The following ADAMTSL3 variants were observed in gnomAD, a reference collection of about 807,000 sequenced individuals.
ADAMTSL3 encodes ADAMTS-like protein 3.
In ADAMTSL3, 128 loss-of-function variants were observed where a neutral mutation model predicts 201.7. The observed-to-expected ratio is 0.63, with a 90% CI of 0.55 to 0.73. The LOEUF is 0.73. Among genes scored for constraint, ADAMTSL3 ranks in the 30% least tolerant of loss-of-function variants. The pLI is 0.00. For missense variants in ADAMTSL3, 1,990 were observed against 2,119.6 expected (o/e 0.94, Z 1.20); for synonymous variants, 738 against 748.4 (o/e 0.99, Z 0.23).
At chr15:83,659,724 A>G (rs1162518622) in intron 2 of ADAMTSL3, among the ~76,000 whole-genome samples, 4 of 152,198 alleles carry the variant, frequency 2.6e-5, no homozygotes, top group Admixed American at 2.6e-4. Flanking sequence ...TGGGGAGACT[A>G]TCCTGGATTA....
intron 3 of ADAMTSL3, among the ~76,000 whole-genome samples, chr15:83,735,810 A>G (rs1053295603): frequency 6.6e-6 from 1 of 152,138 alleles, no homozygotes; most frequent in Non-Finnish European, 1.5e-5. Context: ...CACGTTTAAC[A>G]CACGTAAAAT....
chr15:83,798,472 A>G (rs1225680306), intron 4 of ADAMTSL3, among the ~76,000 whole-genome samples: 1 of 152,192 alleles, frequency 6.6e-6, no homozygotes, highest in African/African-American at 2.4e-5. Context: ...GGTTCCTGGC[A>G]TGGGGTCAGG....
chr15:84,028,392 G>A (rs897941825), intron 27 of ADAMTSL3, among the ~76,000 whole-genome samples: 13 of 152,120 alleles, frequency 8.5e-5, no homozygotes, highest in African/African-American at 3.1e-4. Context: ...GTATCAGTAA[G>A]TAAATGCAAG....
In ADAMTSL3 at chr15:84,001,060, C is replaced by T. The variant is rs536662681; in HGVS notation, c.3973+9846C>T. ...AAGCTGCAGAAAGCTGTAAATTGAA[C>T]GCAACTAAATTGCATCAATGGTCAT... On this transcript the variant is annotated intron_variant, in intron 23 of 29. Coordinates refer to ENST00000286744, the MANE Select transcript of ADAMTSL3 (RefSeq NM_207517.3). Among the ~76,000 whole-genome samples, 14 of 152,298 alleles carry T rather than the reference C, an allele frequency of 9.2e-5. 1 individual carries two copies. Among genetic ancestry groups the T allele is most frequent in the South Asian group, 4.1e-4 (2 of 4,820 alleles).
chr15:83,711,328 A>G (rs1467842329), intron 3 of ADAMTSL3, among the ~76,000 whole-genome samples: 1 of 152,230 alleles, frequency 6.6e-6, no homozygotes, highest in African/African-American at 2.4e-5. Context: ...TGGAAAGTAT[A>G]TACCAACTTC....
Position 83,982,259 on chromosome 15 carries a change from T to A in ADAMTSL3, c.2645-14T>A. On this transcript the variant is annotated splice_polypyrimidine_tract_variant and intron_variant, in intron 20 of 29. Transcript: ENST00000286744. ...ATTCGTATTTTCTTTTCTTTCTTTT[T>A]TTTTTTCTTGGAGAAATCAAATCAG... 1 of 1,551,708 alleles carries A rather than the reference T, an allele frequency of 6.4e-7. No individual in the cohort carries two copies. The highest frequency in any genetic ancestry group is 8.7e-7 in the Non-Finnish European group (1 of 1,150,154).
intron 19 of ADAMTSL3, among the ~76,000 whole-genome samples, chr15:83,953,032 G>T (rs960412051): frequency 6.6e-6 from 1 of 152,112 alleles, no homozygotes; most frequent in Non-Finnish European, 1.5e-5. Flanking sequence ...GGTGAAATGT[G>T]CTTCTTGTAG....
rs374128413 is a variant in ADAMTSL3, at chr15:84,014,568, T to C, written c.4000T>C (p.Leu1334=). ...KGVPQPNITW[L]KRGGSLSGNV... ...TGTCCCTCAGCCTAATATAACTTGG[T>C]TGAAGAGAGGAGGATCTCTGAGTGG... The change falls in exon 24 of 30, where the codon TTG becomes CTG. Residue 1334 remains leucine, a synonymous_variant. Transcript: ENST00000286744. The C allele has an allele frequency of 1.4e-4, 228 of 1,613,968 alleles. No homozygotes were observed. Among genetic ancestry groups the C allele is most frequent in the Non-Finnish European group, 1.8e-4 (216 of 1,179,984 alleles).
chr15:83,714,781 TTCTTTTTC>T (rs1246095542), intron 3 of ADAMTSL3, among the ~76,000 whole-genome samples: 1 of 116,680 alleles, frequency 8.6e-6, no homozygotes, highest in African/African-American at 2.9e-5. Context: ...CTTTCTTTCT[TTCTTTTTC>T]TTTCTCTCTC....
chr15:84,031,311 C>T (rs747290444), intron 27 of ADAMTSL3, 24 bp from the exon 28 acceptor site: 17 of 1,610,290 alleles, frequency 1.1e-5, no homozygotes, highest in Admixed American at 1.7e-5. Flanking sequence ...AGGATTTACA[C>T]TGCACTGTGC....
intron 19 of ADAMTSL3, among the ~76,000 whole-genome samples, chr15:83,946,296 C>G (rs147561789): frequency 6.6e-6 from 1 of 152,168 alleles, no homozygotes; most frequent in African/African-American, 2.4e-5. Context: ...TTGCCAGTTG[C>G]GTATCACTAA....
chr15:83,993,760 A>G (rs539070610), intron 23 of ADAMTSL3, among the ~76,000 whole-genome samples: 5 of 152,330 alleles, frequency 3.3e-5, no homozygotes, highest in Admixed American at 2.0e-4. Flanking sequence ...CTTTAAAAAA[A>G]AGTTTTTTTC....
chr15:83,738,521 C>T (rs909988114), intron 3 of ADAMTSL3, among the ~76,000 whole-genome samples: 8 of 152,050 alleles, frequency 5.3e-5, no homozygotes, highest in Non-Finnish European at 7.4e-5. Flanking sequence ...ATACTTATTA[C>T]CCTAGACACA....
chr15:83,705,493 G>T (rs559379088), intron 3 of ADAMTSL3, among the ~76,000 whole-genome samples: 86 of 152,314 alleles, frequency 5.6e-4, no homozygotes, highest in African/African-American at 2.0e-3. Flanking sequence ...GAGAAATTCA[G>T]TCTGCCAACA....
intron 20 of ADAMTSL3, among the ~76,000 whole-genome samples, chr15:83,972,675 T>C (rs1333873448): frequency 2.6e-5 from 4 of 152,112 alleles, no homozygotes; most frequent in Non-Finnish European, 1.5e-5. Flanking sequence ...ATATTTTTTC[T>C]TTACTCCACC....
chr15:83,924,888 T>A (rs554850523), intron 17 of ADAMTSL3, among the ~76,000 whole-genome samples: 2 of 152,318 alleles, frequency 1.3e-5, no homozygotes, highest in East Asian at 3.9e-4. Context: ...CTCCTACCTC[T>A]TAGTCGTTTG....
At chr15:83,672,112 TA>T (rs2061336699) in intron 2 of ADAMTSL3, among the ~76,000 whole-genome samples, 1 of 152,200 alleles carries the variant, frequency 6.6e-6, no homozygotes, top group African/African-American at 2.4e-5. Context: ...CTGGGCATTT[TA>T]AACCCTGTCA....
intron 7 of ADAMTSL3, among the ~76,000 whole-genome samples, chr15:83,847,775 G>A (rs773420607): frequency 2.0e-5 from 3 of 151,948 alleles, no homozygotes; most frequent in Non-Finnish European, 4.4e-5. Context: ...GATTACAGGT[G>A]TGAGCCACCA....
chr15:83,858,909 CA>C (rs142508012), intron 8 of ADAMTSL3, 69 bp downstream of exon 8: 1 of 1,352,834 alleles, frequency 7.4e-7, no homozygotes, highest in African/African-American at 1.5e-5. Flanking sequence ...AAACAAAAAA[CA>C]AAAAACCCAC....
Sources: allele counts gnomAD v4.1 joint callset (sites outside exome capture counted in the v4.1 genomes callset), GRCh38; gene constraint gnomAD v4.1.1; transcripts MANE v1.5; gene names NCBI Gene and HGNC (gene_info 2026-07-23, HGNC 2026-07-21).